The following LIMCH1 variants were observed in gnomAD, a reference collection of about 807,000 sequenced individuals.
LIMCH1 encodes LIM and calponin homology domains 1.
In LIMCH1, 113 loss-of-function variants were observed where a neutral mutation model predicts 176.5. That is an observed-to-expected ratio of 0.64 (90% CI 0.55 to 0.75). LIMCH1 has a LOEUF of 0.75. LIMCH1 is among the 30% of genes least tolerant of loss of function. The pLI is 0.00. For synonymous variants in LIMCH1, 619 were observed against 645.9 expected, an observed-to-expected ratio of 0.96 and a Z score of 0.63; for missense variants, 1,674 against 1,814.9, an observed-to-expected ratio of 0.92 and a Z score of 1.41.
rs2075302780 is a variant in LIMCH1 at position 41,514,104 on chromosome 4, C to A, written c.168-10305C>A. Among the ~76,000 whole-genome samples, 3 of 147,344 alleles carry A rather than the reference C, an allele frequency of 2.0e-5. No homozygotes were observed. In the South Asian group the frequency reaches 6.6e-4, roughly 32 times the overall value. ...AGCAGGTCTAAAGTCCGTGATAGTT[C>A]CAAAACTGATGTTTTGAGTCCTTCC... On this transcript the variant is annotated intron_variant, in intron 2 of 26. Coordinates refer to the LIMCH1 transcript ENST00000313860.
chr4:41,659,423 G>C (rs1172046382), intron 18 of LIMCH1, among the ~76,000 whole-genome samples: 1 of 152,048 alleles, frequency 6.6e-6, no homozygotes, highest in Non-Finnish European at 1.5e-5. Flanking sequence ...TTTGCCACTA[G>C]ATGCTATTGT....
intron 2 of LIMCH1, among the ~76,000 whole-genome samples, chr4:41,502,785 G>A (rs1194059532): frequency 1.3e-5 from 2 of 151,866 alleles, no homozygotes; most frequent in Non-Finnish European, 2.9e-5. Context: ...TGGTCGGGTT[G>A]GGGGTTGAGT....
chr4:41,359,824 G>T (rs752987699), upstream of LIMCH1: 2 of 152,208 alleles, frequency 1.3e-5, no homozygotes, highest in African/African-American at 2.4e-5. Context: ...CAGCCAAAAG[G>T]GGGGAAGGCT....
At chr4:41,360,276 TGCGGCCAGGAAGGACTGCAGGTGCTGC>T (rs1443534421), upstream of LIMCH1, among the ~76,000 whole-genome samples, 1 of 150,410 alleles carries the variant, frequency 6.6e-6, no homozygotes. The surrounding 1 kb of genome is among the most constrained non-coding windows in gnomAD (Gnocchi z 4.5). Flanking sequence ...CCCCTACCTC[TGCGGCCAGGAAGGACTGCAGGTGCTGC>T]GCGGCCAGTG....
intron 14 of LIMCH1, among the ~76,000 whole-genome samples, chr4:41,641,939 A>G (rs931757220): frequency 1.3e-5 from 2 of 152,226 alleles, no homozygotes; most frequent in Non-Finnish European, 2.9e-5. Context: ...AGAGCTTCAC[A>G]GTGGGAGTAG....
chr4:41,380,883 A>G (rs2055559496), intron 1 of LIMCH1, among the ~76,000 whole-genome samples: 1 of 152,240 alleles, frequency 6.6e-6, no homozygotes, highest in South Asian at 2.1e-4. Context: ...ATGGCATACT[A>G]TAAAGAGTAG....
rs183515744 is a variant in LIMCH1, at chr4:41,380,413, C to T, written c.96+19477C>T. Among the ~76,000 whole-genome samples, 5 of 152,052 alleles carry T rather than the reference C, an allele frequency of 3.3e-5. No homozygotes were observed. The East Asian group carries it at 9.7e-4, about 29-fold the overall frequency. On this transcript the variant is annotated intron_variant, in intron 1 of 26. Coordinates refer to the LIMCH1 transcript ENST00000313860. ...AATCCTGCCCTGGCCTCCCAAAGTGCTGGGATTACAAGCATGAGCCACTGC... is the reference window on the plus strand; with the variant it reads ...AATCCTGCCCTGGCCTCCCAAAGTGTTGGGATTACAAGCATGAGCCACTGC...
chr4:41,558,047 C>T (rs2081524535), intron 1 of LIMCH1, among the ~76,000 whole-genome samples: 1 of 152,082 alleles, frequency 6.6e-6, no homozygotes, highest in African/African-American at 2.4e-5. Context: ...TGGTGTTTCA[C>T]GTTCCTCAAG....
chr4:41,629,991 A>G (rs2093227209), intron 9 of LIMCH1, among the ~76,000 whole-genome samples: 1 of 151,762 alleles, frequency 6.6e-6, no homozygotes, highest in Admixed American at 6.6e-5. Context: ...TTTTTTCTAG[A>G]GACAAGGTCT....
chr4:41,604,586 G>A (rs1365839763), intron 3 of LIMCH1, among the ~76,000 whole-genome samples: 2 of 152,124 alleles, frequency 1.3e-5, no homozygotes, highest in South Asian at 2.1e-4. Flanking sequence ...AAAACTAGAG[G>A]TATACGCCAT....
chr4:41,546,190 G>A (rs2079364142), intron 1 of LIMCH1, among the ~76,000 whole-genome samples: 1 of 152,100 alleles, frequency 6.6e-6, no homozygotes, highest in Non-Finnish European at 1.5e-5. Flanking sequence ...CCAGGCTGGA[G>A]TGCAGTGGTG....
At chr4:41,502,892 A>G (rs765621687) in intron 2 of LIMCH1, among the ~76,000 whole-genome samples, 1 of 148,564 alleles carries the variant, frequency 6.7e-6, no homozygotes, top group Non-Finnish European at 1.5e-5. Context: ...TTATGTGAAT[A>G]AGCACGGAGG....
At chr4:41,493,084 A>G (rs1268347687) in intron 1 of LIMCH1, among the ~76,000 whole-genome samples, 9 of 151,914 alleles carry the variant, frequency 5.9e-5, no homozygotes, top group Non-Finnish European at 1.5e-5. Flanking sequence ...TTTATATTTA[A>G]AGTGCATTTC....
chr4:41,362,993 T>A (rs1044304230), intron 1 of LIMCH1, among the ~76,000 whole-genome samples: 1 of 152,196 alleles, frequency 6.6e-6, no homozygotes, highest in Non-Finnish European at 1.5e-5. Context: ...CCAGGCGAGC[T>A]GCGTGTGCAT....
chr4:41,609,260 G>A (rs904721920), intron 4 of LIMCH1, among the ~76,000 whole-genome samples: 4 of 147,302 alleles, frequency 2.7e-5, no homozygotes, highest in African/African-American at 1.0e-4. Context: ...TTTTTTTCAT[G>A]ATACTTATCA....
rs559730119 is a variant in LIMCH1, at chr4:41,447,591, G to A, written c.97-46945G>A. On this transcript the variant is annotated intron_variant, in intron 1 of 26. Coordinates refer to the LIMCH1 transcript ENST00000313860. ...TCGTAATACAGAACATATGTTAATC[G>A]TCACATCTTTTATTAAACTGAAGGA... is the stretch of plus-strand genomic sequence containing the variant. Among the ~76,000 whole-genome samples the A allele has an allele frequency of 1.3e-4, 20 of 152,240 alleles. No individual in the cohort carries two copies. The South Asian group carries it at 2.9e-3, about 22-fold the overall frequency.
chr4:41,452,649 G>T (rs955315581), intron 1 of LIMCH1, among the ~76,000 whole-genome samples: 2 of 152,156 alleles, frequency 1.3e-5, no homozygotes, highest in African/African-American at 4.8e-5. Context: ...GTGCCTGTTT[G>T]TTCACCATTC....
Position 41,542,823 on chromosome 4 carries a change from A to G in LIMCH1, c.-241+4473A>G, listed in dbSNP as rs141826049. Among the ~76,000 whole-genome samples, 221 of 152,318 alleles carry G rather than the reference A, an allele frequency of 1.5e-3. 1 individual carries two copies. The highest frequency in any genetic ancestry group is 4.9e-3 in the African/African-American group (205 of 41,564). On this transcript the variant is annotated intron_variant, in intron 1 of 31. Coordinates refer to ENST00000503057, the MANE Select transcript of LIMCH1 (RefSeq NM_001330672.2). ...AGTGCAGGTATCTACAGTAAGAGAGAACAACTTGCTATATAGGGCTCATAT... is the reference window on the plus strand; with the variant it reads ...AGTGCAGGTATCTACAGTAAGAGAGGACAACTTGCTATATAGGGCTCATAT...
intron 30 of LIMCH1, 182 bp downstream of exon 30, chr4:41,689,817 A>C (rs1723985320): frequency 2.1e-6 from 1 of 476,778 alleles, no homozygotes; most frequent in South Asian, 3.3e-5. Context: ...GGGATGTCAG[A>C]TTAGAAGAAG....
Sources: allele counts gnomAD v4.1 joint callset (sites outside exome capture counted in the v4.1 genomes callset), GRCh38; gene constraint gnomAD v4.1.1; non-coding constraint Gnocchi (gnomAD v3.1); transcripts MANE v1.5; gene names NCBI Gene and HGNC (gene_info 2026-07-23, HGNC 2026-07-21).